The following CDK17 variants were observed in gnomAD, a reference collection of about 807,000 sequenced individuals.
CDK17 encodes the protein cyclin-dependent kinase 17.
A neutral mutation model predicts 77.6 loss-of-function variants in CDK17; 24 were observed. That is an observed-to-expected ratio of 0.31 (90% CI 0.22 to 0.44). The LOEUF (loss-of-function observed/expected upper bound fraction) is 0.44, where lower values mean the gene tolerates loss of function less well. CDK17 is among the 20% of genes least tolerant of loss of function. The pLI, the probability that CDK17 is intolerant of heterozygous loss-of-function variation, is 1.00. For missense variants in CDK17, 429 were observed against 622.5 expected (o/e 0.69, Z 3.31); for synonymous variants, 203 against 210.4 (o/e 0.96, Z 0.30).
intron 3 of CDK17, among the ~76,000 whole-genome samples, chr12:96,322,462 C>A (rs1409731943): frequency 6.6e-6 from 1 of 151,032 alleles, no homozygotes; most frequent in Non-Finnish European, 1.5e-5. Flanking sequence ...GCCCATAAAA[C>A]CTAAAATATT....
intron 2 of CDK17, among the ~76,000 whole-genome samples, chr12:96,324,864 A>G (rs1952872773): frequency 6.6e-6 from 1 of 152,206 alleles, no homozygotes; most frequent in South Asian, 2.1e-4. Flanking sequence ...GACATTCAAA[A>G]TGGTATGTCA....
chr12:96,358,232 A>T (rs1198276698), intron 1 of CDK17, among the ~76,000 whole-genome samples: 2 of 152,010 alleles, frequency 1.3e-5, no homozygotes, highest in African/African-American at 4.8e-5. Context: ...ATAAAAAGTT[A>T]AGTTACTGAC....
intron 3 of CDK17, among the ~76,000 whole-genome samples, chr12:96,315,827 G>A (rs995325351): frequency 1.3e-5 from 2 of 151,940 alleles, no homozygotes; most frequent in Non-Finnish European, 2.9e-5. Flanking sequence ...TCCACATTGG[G>A]ATAAAAAATG....
intron 2 of CDK17, among the ~76,000 whole-genome samples, chr12:96,325,011 T>C (rs927810762): frequency 6.6e-6 from 1 of 152,148 alleles, no homozygotes; most frequent in African/African-American, 2.4e-5. Flanking sequence ...TAAAAAAATA[T>C]AATACTTAAA....
intron 1 of CDK17, among the ~76,000 whole-genome samples, chr12:96,371,764 C>A (rs1029997352): frequency 4.6e-5 from 7 of 152,106 alleles, no homozygotes; most frequent in Non-Finnish European, 8.8e-5. Flanking sequence ...AATGAAATTT[C>A]ATTTCCCTTC....
intron 1 of CDK17, among the ~76,000 whole-genome samples, chr12:96,399,591 G>A (rs941197948): frequency 9.3e-5 from 14 of 151,200 alleles, no homozygotes; most frequent in Admixed American, 2.6e-4. Flanking sequence ...CACCCCCGCC[G>A]AGGGGACCTT....
Position 96,361,367 on chromosome 12 carries a change from C to T in CDK17, c.-29-26502G>A, listed in dbSNP as rs766373573. Among the ~76,000 whole-genome samples, 76 of 152,164 alleles carry T rather than the reference C, an allele frequency of 5.0e-4. 1 individual carries two copies. The highest frequency in any genetic ancestry group is 9.0e-4 in the Non-Finnish European group (61 of 68,020). ...CCTTTGTCCCTCCTCTTTTACTTTCCTATCTCCATTGGTACCATCTATTGG... is the reference window on the plus strand; with the variant it reads ...CCTTTGTCCCTCCTCTTTTACTTTCTTATCTCCATTGGTACCATCTATTGG... On this transcript the variant is annotated intron_variant, in intron 1 of 16. Coordinates refer to ENST00000261211, the MANE Select transcript of CDK17 (RefSeq NM_002595.5).
chr12:96,344,082 C>T (rs1953162433), intron 1 of CDK17, among the ~76,000 whole-genome samples: 1 of 152,060 alleles, frequency 6.6e-6, no homozygotes, highest in Non-Finnish European at 1.5e-5. Context: ...AGTGGTTCAA[C>T]AGATTTGAAC....
Position 96,400,042 on chromosome 12 carries a change from G to A in CDK17, c.-86C>T, listed in dbSNP as rs541070546. 33 of 386,828 alleles carry A rather than the reference G, an allele frequency of 8.5e-5. No homozygotes were observed. The East Asian group carries it at 1.2e-3, about 14-fold the overall frequency. The allele number at this position is 386,828 out of a possible 1,614,324, so 24.0% of individuals were successfully genotyped here. A position where few individuals can be genotyped will look rare whatever the true frequency, so the allele number is the denominator to read the frequency against. ...GAGGCGAAGAGAGGCGCGGGGGGAA[G>A]CTGCTCCGCGGACGCCCGCGGCGAC... On this transcript the variant is annotated 5_prime_UTR_variant, in exon 1 of 17. Transcript: ENST00000261211.
chr12:96,294,584 C>CAA (rs11313631), intron 10 of CDK17, among the ~76,000 whole-genome samples: 10 of 54,346 alleles, frequency 1.8e-4, no homozygotes, highest in African/African-American at 7.4e-4. Context: ...ATGCTGTCTT[C>CAA]AAAAAAAAAA....
rs947475661 is a variant in CDK17 at position 96,378,493 on chromosome 12, C to T, written c.-30+21493G>A. Among the ~76,000 whole-genome samples, 3 of 152,262 alleles carry T rather than the reference C, an allele frequency of 2.0e-5. 1 individual carries two copies. In the South Asian group the frequency reaches 6.2e-4, roughly 32 times the overall value. On this transcript the variant is annotated intron_variant, in intron 1 of 16. Coordinates refer to ENST00000261211, the MANE Select transcript of CDK17 (RefSeq NM_002595.5). ...CCCAGTCCTAGAATCAGCCATTTCT[C>T]CACAAAGGCCTGGTTCCTTTTACTG... is the stretch of plus-strand genomic sequence containing the variant.
intron 1 of CDK17, among the ~76,000 whole-genome samples, chr12:96,364,360 T>C (rs1199235988): frequency 6.6e-6 from 1 of 152,222 alleles, no homozygotes; most frequent in Non-Finnish European, 1.5e-5. Flanking sequence ...CACACCATTT[T>C]GTATTCCCAC....
chr12:96,382,443 A>G (rs1373119777), intron 1 of CDK17, among the ~76,000 whole-genome samples: 5 of 152,094 alleles, frequency 3.3e-5, no homozygotes, highest in Admixed American at 3.3e-4. Context: ...TATAAAGAAA[A>G]ATTGGTACCA....
chr12:96,293,390 T>G (rs936750878), intron 10 of CDK17, among the ~76,000 whole-genome samples: 8 of 152,200 alleles, frequency 5.3e-5, no homozygotes, highest in Non-Finnish European at 1.2e-4. Flanking sequence ...TTTTGCATTC[T>G]GTGTGTCGTG....
chr12:96,354,316 A>G (rs1953362375), intron 1 of CDK17, among the ~76,000 whole-genome samples: 1 of 152,204 alleles, frequency 6.6e-6, no homozygotes, highest in Non-Finnish European at 1.5e-5. Flanking sequence ...CCTGCTAACT[A>G]CTGAAGAATT....
At chr12:96,391,178 T>G (rs1954061666) in intron 1 of CDK17, among the ~76,000 whole-genome samples, 1 of 152,160 alleles carries the variant, frequency 6.6e-6, no homozygotes, top group Non-Finnish European at 1.5e-5. Flanking sequence ...TTTGATCCTT[T>G]GAGTACAATT....
intron 2 of CDK17, among the ~76,000 whole-genome samples, chr12:96,327,011 T>A (rs914464481): frequency 6.6e-6 from 1 of 152,106 alleles, no homozygotes; most frequent in Non-Finnish European, 1.5e-5. Flanking sequence ...GGTAAGGGGG[T>A]AGGGAAGACT....
intron 1 of CDK17, among the ~76,000 whole-genome samples, chr12:96,370,055 A>C (rs968075379): frequency 6.6e-6 from 1 of 152,204 alleles, no homozygotes; most frequent in Non-Finnish European, 1.5e-5. Flanking sequence ...GAAAGAACGG[A>C]GGGCATTTTA....
In CDK17 at chr12:96,330,656, T is replaced by A. The variant is rs573243108; in HGVS notation, c.118+4063A>T. Among the ~76,000 whole-genome samples the A allele has an allele frequency of 2.0e-5, 3 of 152,332 alleles. No homozygotes were observed. In the South Asian group the frequency reaches 6.2e-4, roughly 32 times the overall value. The stretch of plus-strand genomic sequence containing the variant: ...TCTGGCTCCTTTCAGTTTTCAAAGT[T>A]CATCTATGCTACAGCACATAGCTCT... On this transcript the variant is annotated intron_variant, in intron 2 of 16. Transcript: ENST00000261211.
Sources: gnomAD v4.1 joint callset for allele counts (sites outside exome capture counted in the v4.1 genomes callset) on GRCh38, gnomAD v4.1.1 for gene constraint, MANE v1.5 for transcripts, NCBI Gene and HGNC (gene_info 2026-07-23, HGNC 2026-07-21) for gene names.